MGAT4C: variants seen among roughly 807,000 people sequenced by gnomAD.
MGAT4C encodes alpha-1,3-mannosyl-glycoprotein 4-beta-N-acetylglucosaminyltransferase C.
MGAT4C carries 19 observed loss-of-function variants against 40.1 expected under a neutral mutation model. That is an observed-to-expected ratio of 0.47 (90% CI 0.33 to 0.70). The LOEUF is 0.70. Among genes scored for constraint, MGAT4C ranks in the 30% least tolerant of loss-of-function variants. The pLI is 0.02. For missense variants in MGAT4C, 491 were observed against 563.2 expected (o/e 0.87, Z 1.30); for synonymous variants, 181 against 187.1 (o/e 0.97, Z 0.27).
intron 4 of MGAT4C, among the ~76,000 whole-genome samples, chr12:86,323,488 C>G (rs1489391896): frequency 6.0e-5 from 9 of 151,112 alleles, no homozygotes. Flanking sequence ...AGATATTTTT[C>G]AATATGCAGA....
intron 2 of MGAT4C, among the ~76,000 whole-genome samples, chr12:86,659,488 C>G (rs1002886223): frequency 2.6e-5 from 4 of 152,160 alleles, no homozygotes; most frequent in African/African-American, 7.2e-5. Context: ...TTGATCCAAT[C>G]AGGACAGGGA....
At chr12:86,707,376 A>G (rs754733476) in intron 2 of MGAT4C, among the ~76,000 whole-genome samples, 3 of 152,176 alleles carry the variant, frequency 2.0e-5, no homozygotes, top group Admixed American at 1.3e-4. Flanking sequence ...TCTCAGACGG[A>G]AAAGAGGAAC....
chr12:86,497,161 G>A (rs892485197), intron 2 of MGAT4C, among the ~76,000 whole-genome samples: 1 of 151,884 alleles, frequency 6.6e-6, no homozygotes, highest in African/African-American at 2.4e-5. Flanking sequence ...AATTCAAAAT[G>A]TGTACTTCCT....
intron 3 of MGAT4C, among the ~76,000 whole-genome samples, chr12:86,352,059 C>CT (rs1955174685): frequency 6.6e-6 from 1 of 151,994 alleles, no homozygotes; most frequent in Non-Finnish European, 1.5e-5. Context: ...AGTAACAACA[C>CT]TTGAATAAAG....
chr12:86,115,655 T>A (rs925578767), intron 1 of MGAT4C, among the ~76,000 whole-genome samples: 1 of 152,048 alleles, frequency 6.6e-6, no homozygotes, highest in African/African-American at 2.4e-5. Flanking sequence ...CATTGTAAGT[T>A]TCTTATTTCA....
chr12:86,066,480 A>T (rs183287478), intron 1 of MGAT4C, among the ~76,000 whole-genome samples: 2 of 152,294 alleles, frequency 1.3e-5, no homozygotes, highest in African/African-American at 4.8e-5. Context: ...CTATTTAATA[A>T]ATGGTGTTGG....
At chr12:86,698,369 G>A (rs572771693) in intron 2 of MGAT4C, among the ~76,000 whole-genome samples, 2 of 152,084 alleles carry the variant, frequency 1.3e-5, no homozygotes, top group South Asian at 4.1e-4. Flanking sequence ...GTTTGTGTGT[G>A]TGTCTATGTG....
chr12:86,738,632 A>G lies in MGAT4C; in HGVS notation c.-261-11391T>C, dbSNP rs146825232. On this transcript the variant is annotated intron_variant, in intron 1 of 7. Coordinates refer to the MGAT4C transcript ENST00000548651. ...CCAACTCATACGAGGAGTGCGTTAC[A>G]TATTGTTCGATTTTATTACTGCTTT... Among the ~76,000 whole-genome samples the G allele has an allele frequency of 1.1e-3, 167 of 151,426 alleles. 1 individual carries two copies. The East Asian group carries it at 0.029, about 26-fold the overall frequency.
At chr12:86,030,550 T>C (rs1013376918) in intron 2 of MGAT4C, among the ~76,000 whole-genome samples, 1 of 151,694 alleles carries the variant, frequency 6.6e-6, no homozygotes, top group African/African-American at 2.4e-5. Context: ...GAGAAATCTA[T>C]TAGGTGTAAA....
At chr12:86,066,715 C>A (rs1398105045) in intron 1 of MGAT4C, among the ~76,000 whole-genome samples, 1 of 152,084 alleles carries the variant, frequency 6.6e-6, no homozygotes, top group Non-Finnish European at 1.5e-5. Context: ...CAAACGGGAT[C>A]TAATTAAACG....
At chr12:86,302,042 T>C (rs561092395) in intron 4 of MGAT4C, among the ~76,000 whole-genome samples, 1 of 151,150 alleles carries the variant, frequency 6.6e-6, no homozygotes, top group Non-Finnish European at 1.5e-5. Flanking sequence ...TATGAAACTC[T>C]AGAATAAATC....
chr12:86,412,937 A>C (rs1956634527), intron 3 of MGAT4C, among the ~76,000 whole-genome samples: 1 of 152,042 alleles, frequency 6.6e-6, no homozygotes, highest in Non-Finnish European at 1.5e-5. Flanking sequence ...AAGTTATAAG[A>C]GTGAGTTATC....
chr12:86,116,916 A>G (rs868073872), intron 1 of MGAT4C, among the ~76,000 whole-genome samples: 1 of 152,100 alleles, frequency 6.6e-6, no homozygotes, highest in African/African-American at 2.4e-5. Context: ...ATAACAGGAA[A>G]ATATTTCCAT....
chr12:86,488,640 GA>G (rs1958071372), intron 2 of MGAT4C, among the ~76,000 whole-genome samples: 1 of 151,988 alleles, frequency 6.6e-6, no homozygotes, highest in Non-Finnish European at 1.5e-5. Flanking sequence ...CTCCCAATAA[GA>G]ACCTCAATTC....
intron 4 of MGAT4C, among the ~76,000 whole-genome samples, chr12:86,328,635 A>G (rs937170697): frequency 6.6e-6 from 1 of 152,198 alleles, no homozygotes; most frequent in African/African-American, 2.4e-5. Context: ...GAAGACTACA[A>G]ATTGCTTCAA....
chr12:86,117,527 G>C (rs901931193), intron 1 of MGAT4C, among the ~76,000 whole-genome samples: 2 of 152,128 alleles, frequency 1.3e-5, no homozygotes, highest in African/African-American at 4.8e-5. Context: ...GTTAAGGATA[G>C]AGTCAGAAAA....
chr12:86,208,671 A>G (rs1950350459), intron 1 of MGAT4C, among the ~76,000 whole-genome samples: 3 of 151,460 alleles, frequency 2.0e-5, no homozygotes, highest in African/African-American at 7.3e-5. Context: ...TTTTTTTTTA[A>G]TTTTTGCCCT....
At position 85,965,796 on chromosome 12, in the gene MGAT4C, A is replaced by C. The variant is rs2136650527; in HGVS notation, c.*13493T>G. On this transcript the variant is annotated 3_prime_UTR_variant, in exon 5 of 5. Coordinates refer to ENST00000611864, the MANE Select transcript of MGAT4C (RefSeq NM_001351288.2). ...AACTTAGAATTGTCAATTCTGTCCAAGTCTCTGAGTCATGTACAGAACTCA... is the reference window on the plus strand; with the variant it reads ...AACTTAGAATTGTCAATTCTGTCCACGTCTCTGAGTCATGTACAGAACTCA... 1 of 152,206 alleles carries C rather than the reference A, an allele frequency of 6.6e-6. No individual in the cohort carries two copies. Among genetic ancestry groups the C allele is most frequent in the South Asian group, 2.1e-4 (1 of 4,824 alleles). 9.4% of individuals were successfully genotyped at this position (152,206 alleles called of 1,614,324 possible).
chr12:86,383,929 T>C (rs1193648063), intron 3 of MGAT4C, among the ~76,000 whole-genome samples: 1 of 152,124 alleles, frequency 6.6e-6, no homozygotes, highest in Non-Finnish European at 1.5e-5. Context: ...TCAGATCTTA[T>C]CTTGAATTCC....
Sources: allele counts gnomAD v4.1 joint callset (sites outside exome capture counted in the v4.1 genomes callset), GRCh38; gene constraint gnomAD v4.1.1; transcripts MANE v1.5; gene names NCBI Gene and HGNC (gene_info 2026-07-23, HGNC 2026-07-21).